DCC: variants seen among roughly 807,000 people sequenced by gnomAD.
DCC encodes the protein DCC netrin 1 receptor, also known as netrin receptor DCC.
Under a neutral mutation model 172.5 loss-of-function variants are expected in DCC, and 58 were observed. The observed-to-expected ratio is 0.34, with a 90% confidence interval of 0.27 to 0.42. DCC has a LOEUF of 0.42. DCC is among the 10% of genes least tolerant of loss of function. The probability of loss-of-function intolerance (pLI) is 1.00; values close to 1 mark genes in which losing one functional copy is unlikely to be tolerated. For synonymous variants in DCC, 709 were observed against 644.5 expected, an observed-to-expected ratio of 1.10 and a Z score of -1.52; for missense variants, 1,740 against 1,791.0, an observed-to-expected ratio of 0.97 and a Z score of 0.51.
At chr18:52,602,586 T>G (rs995103063) in intron 1 of DCC, among the ~76,000 whole-genome samples, 4 of 152,136 alleles carry the variant, frequency 2.6e-5, no homozygotes, top group Non-Finnish European at 4.4e-5. Context: ...AAACTCTTTC[T>G]TTAGTAATAT....
intron 12 of DCC, among the ~76,000 whole-genome samples, chr18:53,255,615 G>T (rs1016940675): frequency 2.6e-5 from 4 of 152,004 alleles, no homozygotes; most frequent in African/African-American, 7.2e-5. Context: ...AGTCTATCAT[G>T]GTTGGACATT....
chr18:53,290,598 G>C (rs1020596860), intron 12 of DCC, among the ~76,000 whole-genome samples: 1 of 151,990 alleles, frequency 6.6e-6, no homozygotes, highest in African/African-American at 2.4e-5. Context: ...TTGACAGTTT[G>C]CTTGAAGATA....
rs556020241 is a variant in DCC, at chr18:53,534,857, A to G, written c.*4204A>G. ...CTGGACTCTTCGTTGCCACTATTGC[A>G]TAACGTTCACGTGGCAGACTTCCAG... On this transcript the variant is annotated 3_prime_UTR_variant, in exon 29 of 29. Coordinates refer to ENST00000442544, the MANE Select transcript of DCC (RefSeq NM_005215.4). The G allele has an allele frequency of 1.3e-5, 2 of 152,354 alleles. No homozygotes were observed. The highest frequency in any genetic ancestry group is 2.1e-4 in the South Asian group (1 of 4,826). The allele number at this position is 152,354 out of a possible 1,614,324, so 9.4% of individuals were successfully genotyped here.
intron 5 of DCC, among the ~76,000 whole-genome samples, chr18:53,002,081 TTAAG>T (rs776217481): frequency 3.9e-5 from 6 of 152,128 alleles, no homozygotes; most frequent in Non-Finnish European, 8.8e-5. Flanking sequence ...GTTGGAAGAA[TTAAG>T]TAATGACACT....
At chr18:52,584,604 A>C (rs1344263772) in intron 1 of DCC, among the ~76,000 whole-genome samples, 2 of 152,148 alleles carry the variant, frequency 1.3e-5, no homozygotes, top group Non-Finnish European at 2.9e-5. Flanking sequence ...TCTCTTTACT[A>C]GTATTATAAC....
intron 5 of DCC, among the ~76,000 whole-genome samples, chr18:53,043,092 A>T (rs1303778581): frequency 2.0e-5 from 3 of 152,152 alleles, no homozygotes; most frequent in African/African-American, 7.2e-5. Flanking sequence ...GTTAGACTGG[A>T]TAAAAAAAAT....
intron 21 of DCC, among the ~76,000 whole-genome samples, chr18:53,425,548 G>T (rs990657407): frequency 6.6e-6 from 1 of 151,672 alleles, no homozygotes; most frequent in South Asian, 2.1e-4. Flanking sequence ...TTTTAGTAGC[G>T]GTGGGGTTTC....
intron 2 of DCC, among the ~76,000 whole-genome samples, chr18:52,835,032 A>G (rs899530566): frequency 1.1e-4 from 16 of 152,164 alleles, no homozygotes; most frequent in African/African-American, 3.4e-4. Context: ...ATTTTCTTAA[A>G]TGTCTTATTT....
intron 1 of DCC, among the ~76,000 whole-genome samples, chr18:52,524,883 T>C (rs1389803626): frequency 6.8e-6 from 1 of 148,062 alleles, no homozygotes; most frequent in Non-Finnish European, 1.5e-5. Context: ...AATTTTTAGG[T>C]TTTTAGATTT....
chr18:52,749,820 C>T (rs1296587089), intron 1 of DCC, among the ~76,000 whole-genome samples: 1 of 151,998 alleles, frequency 6.6e-6, no homozygotes, highest in African/African-American at 2.4e-5. Flanking sequence ...AAATATAGGC[C>T]CCAGGAAGAA....
chr18:52,556,580 G>A (rs2032921141), intron 1 of DCC, among the ~76,000 whole-genome samples: 1 of 152,052 alleles, frequency 6.6e-6, no homozygotes, highest in Non-Finnish European at 1.5e-5. Context: ...CTCATGATTA[G>A]TGTCCTTCAT....
At chr18:52,987,989 A>C (rs1291964657) in intron 5 of DCC, among the ~76,000 whole-genome samples, 2 of 152,202 alleles carry the variant, frequency 1.3e-5, no homozygotes, top group Non-Finnish European at 2.9e-5. Context: ...AATATTTACA[A>C]CCTTTTAAGT....
chr18:52,620,031 C>T (rs1233887516), intron 1 of DCC, among the ~76,000 whole-genome samples: 1 of 152,194 alleles, frequency 6.6e-6, no homozygotes, highest in Non-Finnish European at 1.5e-5. Flanking sequence ...ATTGGAAAGG[C>T]CATTGAGGCC....
chr18:53,460,434 C>A (rs2045543401), intron 24 of DCC, among the ~76,000 whole-genome samples: 1 of 93,960 alleles, frequency 1.1e-5, no homozygotes, highest in African/African-American at 3.8e-5. Context: ...CTCCCCCCTC[C>A]CCCCACCCCA....
intron 13 of DCC, among the ~76,000 whole-genome samples, chr18:53,312,983 G>A (rs1365819217): frequency 7.8e-6 from 1 of 127,826 alleles, no homozygotes; most frequent in Non-Finnish European, 1.6e-5. Flanking sequence ...AGGAAGGGAG[G>A]AGGGAGGGAG....
At chr18:53,524,892 T>C (rs535204182) in intron 27 of DCC, among the ~76,000 whole-genome samples, 15 of 152,092 alleles carry the variant, frequency 9.9e-5, no homozygotes, top group Non-Finnish European at 1.9e-4. Context: ...TGTCTTTATT[T>C]TGGCACCCCC....
intron 5 of DCC, among the ~76,000 whole-genome samples, chr18:53,007,090 T>A (rs931361113): frequency 6.6e-6 from 1 of 152,120 alleles, no homozygotes; most frequent in African/African-American, 2.4e-5. Context: ...AAAACAAAAC[T>A]GTAAAAACCC....
chr18:53,320,577 A>G (rs913693525), intron 13 of DCC, among the ~76,000 whole-genome samples: 2 of 152,198 alleles, frequency 1.3e-5, no homozygotes, highest in Admixed American at 6.5e-5. Flanking sequence ...AAATTAGATC[A>G]ATACCATGTT....
At chr18:52,369,848 C>T (rs1288015069) in intron 1 of DCC, among the ~76,000 whole-genome samples, 1 of 151,984 alleles carries the variant, frequency 6.6e-6, no homozygotes, top group East Asian at 1.9e-4. Flanking sequence ...TATACATGGG[C>T]AGGATTACTA....
Sources: allele counts gnomAD v4.1 joint callset (sites outside exome capture counted in the v4.1 genomes callset), GRCh38; gene constraint gnomAD v4.1.1; transcripts MANE v1.5; gene names NCBI Gene and HGNC (gene_info 2026-07-23, HGNC 2026-07-21).